Variants in PRKACA observed in about 807,000 individuals in gnomAD.
PRKACA encodes the protein protein kinase cAMP-activated catalytic subunit alpha, also known as cAMP-dependent protein kinase catalytic subunit alpha.
A neutral mutation model predicts 45.8 loss-of-function variants in PRKACA; 9 were observed. The observed-to-expected ratio is 0.20, with a 90% CI of 0.12 to 0.34. The LOEUF is 0.34. PRKACA is among the 10% of genes least tolerant of loss of function. The pLI is 1.00. For synonymous variants in PRKACA, 160 were observed against 178.6 expected (o/e 0.90, Z 0.83); for missense variants, 238 against 458.6 (o/e 0.52, Z 4.39).
At chr19:14,101,152 C>G in intron 4 of PRKACA, 1 of 474,482 alleles carries the variant, frequency 2.1e-6, no homozygotes, top group South Asian at 2.4e-5. Flanking sequence ...CTCTGTAGTA[C>G]CTTGCTCTGG....
Position 14,107,827 on chromosome 19 carries a change from G to A in PRKACA, c.47-418C>T, listed in dbSNP as rs41296252. On this transcript the variant is annotated intron_variant, in intron 1 of 9. Coordinates refer to ENST00000308677, the MANE Select transcript of PRKACA (RefSeq NM_002730.4). ...CCTGGGATGGAGGCCTCGGGGGCTCGGGTAGCAGGTGCCCTTGGGGGGCTC... is the reference window on the plus strand; with the variant it reads ...CCTGGGATGGAGGCCTCGGGGGCTCAGGTAGCAGGTGCCCTTGGGGGGCTC... The A allele has an allele frequency of 3.6e-3, 3,583 of 997,924 alleles. 11 individuals carry two copies. Among genetic ancestry groups the A allele is most frequent in the Non-Finnish European group, 4.0e-3 (3,375 of 837,208 alleles). 61.8% of individuals were successfully genotyped at this position (997,924 alleles called of 1,614,324 possible).
intron 4 of PRKACA, 32 bp from the exon 5 acceptor site, chr19:14,100,940 C>T: frequency 6.2e-7 from 1 of 1,600,220 alleles, no homozygotes; most frequent in Non-Finnish European, 8.6e-7. Context: ...CAAGGGCCCA[C>T]CCCTGAGACT....
At chr19:14,098,943 G>A (rs1409713518) in intron 5 of PRKACA, among the ~76,000 whole-genome samples, 2 of 151,878 alleles carry the variant, frequency 1.3e-5, no homozygotes, top group African/African-American at 4.8e-5. Context: ...GAACATTGAA[G>A]AACTGTGCAT....
intron 1 of PRKACA, chr19:14,112,264 G>C (rs941885189): frequency 9.9e-5 from 9 of 91,240 alleles, no homozygotes; most frequent in African/African-American, 3.8e-4. Context: ...GGAAAGGGTA[G>C]AATAAAGGGT....
At chr19:14,106,305 A>C (rs1471094256) in intron 3 of PRKACA, among the ~76,000 whole-genome samples, 1 of 152,062 alleles carries the variant, frequency 6.6e-6, no homozygotes, top group Non-Finnish European at 1.5e-5. Context: ...GTGAGCTATG[A>C]TCACGTCACT....
rs1243791438 is a variant in PRKACA, at chr19:14,093,682, G to A, written c.876C>T (p.Ile292=). 1.9e-6 allele frequency: 3 copies of A among 1,614,196 alleles called. No individual in the cohort carries two copies. Among genetic ancestry groups the A allele is most frequent in the Non-Finnish European group, 2.5e-6 (3 of 1,180,044 alleles). ...TTGTGGCAAACCACTTGTGGTTCTTGATATCGTTGACCCCATTCTTGAGGT... is the reference window on the plus strand; with the variant it reads ...TTGTGGCAAACCACTTGTGGTTCTTAATATCGTTGACCCCATTCTTGAGGT... ...FGNLKNGVND[I]KNHKWFATTD... Residue 292 remains isoleucine, a synonymous_variant, in exon 9 of 10, where the codon ATC becomes ATT. Coordinates refer to ENST00000308677, the MANE Select transcript of PRKACA (RefSeq NM_002730.4).
At chr19:14,111,720 A>T (rs764147037) in intron 1 of PRKACA, among the ~76,000 whole-genome samples, 10 of 152,208 alleles carry the variant, frequency 6.6e-5, no homozygotes, top group Non-Finnish European at 1.3e-4. Context: ...GATTACGGGC[A>T]TGAGCCACTG....
At chr19:14,095,326 A>C (rs376841103) in intron 8 of PRKACA, among the ~76,000 whole-genome samples, 1 of 151,738 alleles carries the variant, frequency 6.6e-6, no homozygotes, top group Non-Finnish European at 1.5e-5. Flanking sequence ...GTGTGCCACC[A>C]TATCCGGCTA....
chr19:14,100,899 T>C lies in PRKACA; in HGVS notation c.346A>G (p.Asn116Asp), dbSNP rs1373004763. Residue 116 changes from asparagine to aspartate, a missense_variant, in exon 5 of 10, where the codon AAC becomes GAC. Physicochemically the swap from Asn to Asp is conservative, Grantham distance 23 (BLOSUM62 1). Coordinates refer to ENST00000308677, the MANE Select transcript of PRKACA (RefSeq NM_002730.4). ...KLEFSFKDNS[N>D]LYMVMEYVPG... ...ACGTACTCCATGACCATGTATAAGT[T>C]TGAGTTGTCCTGTGGGAAGCAGTGG... The C allele has an allele frequency of 6.2e-7, 1 of 1,613,910 alleles. No homozygotes were observed. Among genetic ancestry groups the C allele is most frequent in the East Asian group, 2.2e-5 (1 of 44,876 alleles).
intron 1 of PRKACA, chr19:14,108,301 T>C (rs1004159571): frequency 4.2e-6 from 1 of 239,460 alleles, no homozygotes; most frequent in Non-Finnish European, 6.8e-6. Flanking sequence ...TTTTGAGGAA[T>C]GAATGAGTTC....
At chr19:14,102,980 G>T in intron 3 of PRKACA, 66 bp from the exon 4 acceptor site, 3 of 1,276,664 alleles carry the variant, frequency 2.3e-6, no homozygotes, top group Non-Finnish European at 3.4e-6. Context: ...TTCCCCTAAT[G>T]CCTGGAACTA....
At chr19:14,116,905 A>G (rs1005444189) in intron 1 of PRKACA, among the ~76,000 whole-genome samples, 1 of 151,558 alleles carries the variant, frequency 6.6e-6, no homozygotes, top group African/African-American at 2.4e-5. Flanking sequence ...GACACAGAAG[A>G]AAAAAATAAT....
At position 14,117,542 on chromosome 19, in the gene PRKACA, G is replaced by A; in HGVS notation, c.6C>T (p.Gly2=). The change falls in exon 1 of 10, where the codon GGC becomes GGT. Residue 2 remains glycine, a synonymous_variant. Coordinates refer to ENST00000308677, the MANE Select transcript of PRKACA (RefSeq NM_002730.4). M[G]NAAAAKKGSE... is the part of the protein sequence containing the mutation. ...TGCCCTTCTTGGCGGCGGCGGCGTT[G>A]CCCATCGCGGCGGCGGCGGCCGGGG... 3.3e-6 allele frequency: 4 copies of A among 1,213,696 alleles called. No homozygotes were observed. The East Asian group carries it at 9.8e-5, about 30-fold the overall frequency. 75.2% of individuals were successfully genotyped at this position (1,213,696 alleles called of 1,614,324 possible).
At chr19:14,114,881 C>G (rs1967076030) in intron 1 of PRKACA, among the ~76,000 whole-genome samples, 1 of 152,190 alleles carries the variant, frequency 6.6e-6, no homozygotes. Context: ...CAGGGGACTG[C>G]AGGATGCTTA....
At chr19:14,096,323 G>T (rs1025692610) in intron 8 of PRKACA, 2 of 151,460 alleles carry the variant, frequency 1.3e-5, no homozygotes, top group African/African-American at 4.9e-5. Flanking sequence ...TGGGATTACA[G>T]GTGTAAGCCA....
Position 14,092,489 on chromosome 19 carries a change from A to G in PRKACA, c.*623T>C, listed in dbSNP as rs372738854. The G allele has an allele frequency of 1.0e-5, 4 of 393,840 alleles. No homozygotes were observed. Among genetic ancestry groups the G allele is most frequent in the African/African-American group, 8.3e-5 (4 of 48,082 alleles). The allele number at this position is 393,840 out of a possible 1,614,324, so 24.4% of individuals were successfully genotyped here. On this transcript the variant is annotated 3_prime_UTR_variant, in exon 10 of 10. Transcript: ENST00000308677. Reference sequence around the variant, plus strand: ...GCTTCTCTTTAAAATGGATTTGAGGAATGGGGGGACATGGGAGGGGTGGGA... The same window carrying G: ...GCTTCTCTTTAAAATGGATTTGAGGGATGGGGGGACATGGGAGGGGTGGGA...
At chr19:14,099,060 G>C (rs887588792) in intron 5 of PRKACA, among the ~76,000 whole-genome samples, 6 of 152,074 alleles carry the variant, frequency 3.9e-5, no homozygotes, top group Admixed American at 1.3e-4. Flanking sequence ...GCCAAGGCGG[G>C]GGGGGCGGAT....
intron 1 of PRKACA, among the ~76,000 whole-genome samples, chr19:14,109,008 A>G (rs1465877026): frequency 2.0e-5 from 3 of 147,406 alleles, no homozygotes; most frequent in East Asian, 2.2e-4. Flanking sequence ...GATTACAGGC[A>G]TGAGCCACCG....
Position 14,093,753 on chromosome 19 carries a change from G to T in PRKACA, c.805C>A (p.Leu269Met), listed in dbSNP as rs1483693073. The T allele has an allele frequency of 6.2e-7, 1 of 1,614,078 alleles. No homozygotes were observed. Among genetic ancestry groups the T allele is most frequent in the Middle Eastern group, 1.6e-4 (1 of 6,062 alleles). The change falls in exon 9 of 10, where the codon CTG becomes ATG. Residue 269 changes from leucine (L) to methionine (M), a missense_variant. Physicochemically the swap from Leu to Met is conservative, Grantham distance 15. Transcript: ENST00000308677. The part of the protein sequence containing the change: ...PSHFSSDLKD[L>M]LRNLLQVDLT... The stretch of plus-strand genomic sequence containing the variant: ...TCTACCTGCAGGAGGTTCCGCAGCA[G>T]GTCCTTCAAGTCAGAGCTGAAGTGG...
Sources: gnomAD v4.1 joint callset for allele counts (sites outside exome capture counted in the v4.1 genomes callset) on GRCh38, gnomAD v4.1.1 for gene constraint, MANE v1.5 for transcripts, NCBI Gene and HGNC (gene_info 2026-07-23, HGNC 2026-07-21) for gene names.